The following HECW1 variants were observed in gnomAD, a reference collection of about 807,000 sequenced individuals.
HECW1 encodes the protein HECT, C2 and WW domain containing E3 ubiquitin protein ligase 1.
HECW1 carries 61 observed loss-of-function variants against 182.3 expected under a neutral mutation model. The observed-to-expected ratio is 0.33, with a 90% CI of 0.27 to 0.41. The LOEUF is 0.41. HECW1 is among the 10% of genes least tolerant of loss of function. The probability of loss-of-function intolerance (pLI) is 1.00; values close to 1 mark genes in which losing one functional copy is unlikely to be tolerated. For synonymous variants in HECW1, 859 were observed against 832.6 expected (o/e 1.03, Z -0.55); for missense variants, 1,739 against 2,108.9 (o/e 0.82, Z 3.44).
intron 16 of HECW1, 139 bp from the exon 17 acceptor site, chr7:43,479,471 A>T (rs1243421180): frequency 9.5e-7 from 1 of 1,048,320 alleles, no homozygotes; most frequent in Admixed American, 2.3e-5. Context: ...TGAGTAGATT[A>T]AAAAAGGAAG....
intron 6 of HECW1, among the ~76,000 whole-genome samples, chr7:43,393,555 A>T (rs1309649021): frequency 6.6e-6 from 1 of 152,192 alleles, no homozygotes; most frequent in Non-Finnish European, 1.5e-5. Flanking sequence ...TGGTGCTTAG[A>T]TGACTTTGTA....
chr7:43,276,662 G>T (rs910543698), intron 3 of HECW1, among the ~76,000 whole-genome samples: 1 of 151,910 alleles, frequency 6.6e-6, no homozygotes, highest in African/African-American at 2.4e-5. Context: ...AATGCTTTAG[G>T]CCAATGCAGT....
chr7:43,204,332 C>T (rs537992004), intron 2 of HECW1, among the ~76,000 whole-genome samples: 1 of 152,120 alleles, frequency 6.6e-6, no homozygotes, highest in South Asian at 2.1e-4. Flanking sequence ...GATTAGTTGG[C>T]AGTAGATTTT....
At chr7:43,248,714 C>A in intron 3 of HECW1, 1 of 147,600 alleles carries the variant, frequency 6.8e-6, no homozygotes, top group South Asian at 1.9e-4. Flanking sequence ...CCTCCTCCTC[C>A]TCCTCCTCCT....
chr7:43,164,402 C>G (rs538224662), intron 2 of HECW1, among the ~76,000 whole-genome samples: 7 of 152,322 alleles, frequency 4.6e-5, no homozygotes, highest in African/African-American at 1.7e-4. Context: ...GTTGAAGGTG[C>G]CAGTGGGGCC....
In HECW1 at chr7:43,444,831, C is replaced by A; in HGVS notation, c.1659C>A (p.Pro553=). ...TGATCGCGTCAGCCTGCGGGGACCC[C>A]GAGACCCCGCGGACACACTACATCC... ...ETVIASACGD[P]ETPRTHYIRI... is the part of the protein sequence containing the mutation. The change falls in exon 11 of 30, where the codon CCC becomes CCA. Residue 553 remains proline, a synonymous_variant. Transcript: ENST00000395891. The surrounding 1 kb of genome is among the most constrained non-coding windows in gnomAD (Gnocchi z 4.3). The A allele has an allele frequency of 1.2e-6, 2 of 1,613,850 alleles. No homozygotes were observed. Among genetic ancestry groups the A allele is most frequent in the Non-Finnish European group, 1.7e-6 (2 of 1,179,998 alleles).
intron 20 of HECW1, 123 bp downstream of exon 20, chr7:43,500,905 C>T: frequency 1.2e-6 from 1 of 821,628 alleles, no homozygotes; most frequent in Non-Finnish European, 2.1e-6. Flanking sequence ...ATTCTAGTAA[C>T]TGCAACGCAA....
intron 3 of HECW1, among the ~76,000 whole-genome samples, chr7:43,248,126 A>G (rs1408040485): frequency 2.0e-5 from 3 of 151,634 alleles, no homozygotes; most frequent in Non-Finnish European, 4.4e-5. Flanking sequence ...AGAGGAGGAG[A>G]GGTGAGGAGA....
At position 43,466,544 on chromosome 7, in the gene HECW1, C is replaced by G. The variant is rs200118170; in HGVS notation, c.2889C>G (p.Phe963Leu). 1.2e-6 allele frequency: 2 copies of G among 1,613,902 alleles called. No individual in the cohort carries two copies. Among genetic ancestry groups the G allele is most frequent in the African/African-American group, 2.7e-5 (2 of 75,056 alleles). Residue 963 changes from phenylalanine (F) to leucine (L), a missense_variant, in exon 15 of 30, where the codon TTC becomes TTG. Phe to Leu is a conservative substitution (Grantham distance 22, BLOSUM62 0). Around this residue, in one of 5 missense-constraint regions of HECW1, gnomAD observed 971 missense variants for 1,029.1 expected, o/e 0.94. Transcript: ENST00000395891. ...TCAAGTTCATCACCAACCCCGAGTTCTTCACTGTGCTACATGCCAATTATG... is the reference window on the plus strand; with the variant it reads ...TCAAGTTCATCACCAACCCCGAGTTGTTCACTGTGCTACATGCCAATTATG... The part of the protein sequence containing the change: ...PAVKFITNPE[F>L]FTVLHANYSA...
At chr7:43,284,998 AT>A (rs55642652) in intron 3 of HECW1, among the ~76,000 whole-genome samples, 1,489 of 145,156 alleles carry the variant, frequency 0.01, 13 homozygotes, top group Middle Eastern at 0.032. Context: ...TTCTGTATGG[AT>A]TTTTTTTTTT....
chr7:43,311,021 C>T (rs1180261774), intron 3 of HECW1, among the ~76,000 whole-genome samples: 2 of 152,298 alleles, frequency 1.3e-5, no homozygotes, highest in Admixed American at 6.5e-5. Context: ...CGAGTTAGTG[C>T]TCTGCATCAG....
chr7:43,463,780 A>G lies in HECW1; in HGVS notation c.2772A>G (p.Glu924=), dbSNP rs2077667736. 1 of 1,614,006 alleles carries G rather than the reference A, an allele frequency of 6.2e-7. No individual in the cohort carries two copies. Among genetic ancestry groups the G allele is most frequent in the East Asian group, 2.2e-5 (1 of 44,872 alleles). The stretch of plus-strand genomic sequence containing the variant: ...GTGGAGGGAGTGACTCAGAAGCCGA[A>G]TCTTCCCAGTCCAGCTTAGGTATTG... ...GGGGGSDSEA[E]SSQSSLDLRR... Residue 924 remains glutamate, a synonymous_variant, in exon 14 of 30, where the codon GAA becomes GAG. Coordinates refer to ENST00000395891, the MANE Select transcript of HECW1 (RefSeq NM_015052.5).
chr7:43,445,557 C>T lies in HECW1; in HGVS notation c.2385C>T (p.Ser795=), dbSNP rs1423782954. ...TGGAATCCCCCGTGGCAGGTCCAAG[C>T]AATCGGAGAGAAGGTTAGACCTCAA... ...EGLESPVAGP[S]NRREGECPIL... is the part of the protein sequence containing the mutation. The change falls in exon 11 of 30, where the codon AGC becomes AGT. Residue 795 remains serine, a synonymous_variant. Transcript: ENST00000395891. The T allele has an allele frequency of 6.3e-7, 1 of 1,590,302 alleles. No individual in the cohort carries two copies. Among genetic ancestry groups the T allele is most frequent in the Admixed American group, 1.7e-5 (1 of 57,762 alleles).
At chr7:43,488,324 G>GAGGAAGGAAGGAAGGAAGGAAGGA (rs200213322) in intron 17 of HECW1, among the ~76,000 whole-genome samples, 2 of 42,232 alleles carry the variant, frequency 4.7e-5, no homozygotes, top group East Asian at 1.5e-3. Flanking sequence ...AAGAAAGAAA[G>GAGGAAGGAAGGAAGGAAGGAAGGA]AGGAAGGAAG....
chr7:43,302,215 C>T (rs774221631), intron 3 of HECW1, among the ~76,000 whole-genome samples: 5 of 149,014 alleles, frequency 3.4e-5, no homozygotes, highest in Non-Finnish European at 7.4e-5. Context: ...CCTCAGGCTT[C>T]TCAACAAGCC....
intron 6 of HECW1, among the ~76,000 whole-genome samples, chr7:43,370,766 T>C (rs1817233331): frequency 6.6e-6 from 1 of 152,178 alleles, no homozygotes; most frequent in South Asian, 2.1e-4. Context: ...CTACATAATT[T>C]CACAATTCAT....
intron 2 of HECW1, among the ~76,000 whole-genome samples, chr7:43,145,216 G>A (rs1042086064): frequency 1.9e-4 from 29 of 152,322 alleles, no homozygotes; most frequent in African/African-American, 6.3e-4. Flanking sequence ...TGAACTCAAT[G>A]TAGTCTGCAT....
intron 5 of HECW1, among the ~76,000 whole-genome samples, chr7:43,329,953 C>T (rs1811259619): frequency 1.3e-5 from 2 of 152,062 alleles, no homozygotes; most frequent in Non-Finnish European, 2.9e-5. Context: ...TCTGATATGC[C>T]TGTAAATGTG....
intron 2 of HECW1, among the ~76,000 whole-genome samples, chr7:43,173,082 A>G (rs1020823512): frequency 2.0e-4 from 30 of 152,134 alleles, no homozygotes; most frequent in Non-Finnish European, 2.6e-4. Context: ...CTGATTCTCT[A>G]TTTTACATAT....
Sources: gnomAD v4.1 joint callset for allele counts (sites outside exome capture counted in the v4.1 genomes callset) on GRCh38, gnomAD v4.1.1 for gene constraint, gnomAD v4.1.1 regional missense constraint, Gnocchi (gnomAD v3.1) non-coding constraint, MANE v1.5 for transcripts, NCBI Gene and HGNC (gene_info 2026-07-23, HGNC 2026-07-21) for gene names.